The following PAPPA variants were observed in gnomAD, a reference collection of about 807,000 sequenced individuals.
PAPPA encodes the protein pappalysin 1, also known as pappalysin-1.
In PAPPA, 60 loss-of-function variants were observed where a neutral mutation model predicts 164.0. The observed-to-expected ratio is 0.37, with a 90% CI of 0.30 to 0.45. The LOEUF (loss-of-function observed/expected upper bound fraction) is 0.45. PAPPA is among the 20% of genes least tolerant of loss of function. The probability of loss-of-function intolerance (pLI) is 1.00; values close to 1 mark genes in which losing one functional copy is unlikely to be tolerated. For missense variants in PAPPA, 1,782 were observed against 2,087.3 expected (o/e 0.85, Z 2.85); for synonymous variants, 875 against 814.1 (o/e 1.07, Z -1.27).
chr9:116,356,758 G>A (rs992262396), intron 17 of PAPPA, among the ~76,000 whole-genome samples: 1 of 152,134 alleles, frequency 6.6e-6, no homozygotes, highest in Non-Finnish European at 1.5e-5. Context: ...GGTTTCTGTA[G>A]CCTTGTAGTG....
chr9:116,204,258 T>G (rs1434019290), intron 2 of PAPPA, among the ~76,000 whole-genome samples: 1 of 152,200 alleles, frequency 6.6e-6, no homozygotes, highest in Non-Finnish European at 1.5e-5. Flanking sequence ...CCACACAGAT[T>G]AAGCTACAGA....
At chr9:116,178,952 T>G (rs1843868613) in intron 1 of PAPPA, among the ~76,000 whole-genome samples, 1 of 152,360 alleles carries the variant, frequency 6.6e-6, no homozygotes, top group African/African-American at 2.4e-5. Flanking sequence ...GAATTACAGT[T>G]TGCCATCCCA....
intron 19 of PAPPA, among the ~76,000 whole-genome samples, chr9:116,370,431 C>T (rs1846558042): frequency 6.6e-6 from 1 of 152,182 alleles, no homozygotes; most frequent in South Asian, 2.1e-4. Context: ...ATCCCTGCAG[C>T]CTCTATGAAA....
At chr9:116,334,698 A>C (rs969244375) in intron 12 of PAPPA, among the ~76,000 whole-genome samples, 163 bp from the exon 13 acceptor site, 1 of 152,108 alleles carries the variant, frequency 6.6e-6, no homozygotes, top group South Asian at 2.1e-4. Context: ...AAGGCAGACA[A>C]AGAAACTTTC....
chr9:116,231,766 C>CTTTTTTTTTTT (rs71377228), intron 6 of PAPPA, among the ~76,000 whole-genome samples: 46,892 of 57,534 alleles, frequency 0.82, 22,475 homozygotes, highest in African/African-American at 0.85. Flanking sequence ...TTTTCTTTTT[C>CTTTTTTTTTTT]TTTTTTTTTT....
chr9:116,300,294 T>A (rs1390019255), intron 9 of PAPPA, among the ~76,000 whole-genome samples: 1 of 152,198 alleles, frequency 6.6e-6, no homozygotes, highest in Non-Finnish European at 1.5e-5. Flanking sequence ...TTTTGTTTTT[T>A]TCAGACAGGG....
At chr9:116,264,530 G>A (rs1005174123) in intron 7 of PAPPA, among the ~76,000 whole-genome samples, 7 of 152,192 alleles carry the variant, frequency 4.6e-5, no homozygotes, top group African/African-American at 1.4e-4. Context: ...TGTGTTGAGA[G>A]TCTGAAGACA....
At chr9:116,200,360 A>G (rs754211200) in intron 2 of PAPPA, among the ~76,000 whole-genome samples, 4 of 152,182 alleles carry the variant, frequency 2.6e-5, no homozygotes, top group Non-Finnish European at 4.4e-5. Context: ...CATAACACAT[A>G]TAATAACAGG....
chr9:116,353,029 C>A, intron 16 of PAPPA, 113 bp downstream of exon 16: 1 of 776,756 alleles, frequency 1.3e-6, no homozygotes, highest in Non-Finnish European at 2.3e-6. Flanking sequence ...GACTGCCATT[C>A]ATCCCATTCT....
At position 116,347,219 on chromosome 9, in the gene PAPPA, A is replaced by G; in HGVS notation, c.3964+10A>G. On this transcript the variant is annotated intron_variant, in intron 15 of 21. Transcript: ENST00000328252. This position sits in a 1 kb window ranked among gnomAD's most constrained non-coding sequence, Gnocchi z 4.5. ...CCTGCACAATTGAAAGGTATCAAGA[A>G]CGCCTTCCCCAGCTCAGCCTTCCTT... is the stretch of plus-strand genomic sequence containing the variant. 6.3e-7 allele frequency: 1 copy of G among 1,594,860 alleles called. No individual in the cohort carries two copies.
chr9:116,300,295 T>G (rs570957657), intron 9 of PAPPA, among the ~76,000 whole-genome samples: 4 of 152,310 alleles, frequency 2.6e-5, no homozygotes, highest in African/African-American at 9.6e-5. Context: ...TTTGTTTTTT[T>G]CAGACAGGGT....
intron 9 of PAPPA, among the ~76,000 whole-genome samples, chr9:116,289,158 A>ATG (rs1845388347): frequency 3.3e-5 from 1 of 30,592 alleles, no homozygotes; most frequent in African/African-American, 1.1e-4. Context: ...ATATATATAT[A>ATG]TAGCATATAT....
intron 9 of PAPPA, among the ~76,000 whole-genome samples, chr9:116,276,976 G>A (rs953925940): frequency 6.6e-6 from 1 of 152,072 alleles, no homozygotes; most frequent in Admixed American, 6.5e-5. Context: ...GAGCCAAGGC[G>A]AGAAAGGAAA....
intron 13 of PAPPA, among the ~76,000 whole-genome samples, chr9:116,337,155 T>C (rs563495660): frequency 6.6e-6 from 1 of 152,154 alleles, no homozygotes; most frequent in African/African-American, 2.4e-5. Context: ...TTTTCATAAC[T>C]GGACCCATGT....
intron 1 of PAPPA, among the ~76,000 whole-genome samples, chr9:116,183,027 G>C (rs144599308): frequency 3.9e-5 from 6 of 152,168 alleles, no homozygotes; most frequent in Admixed American, 3.3e-4. Context: ...TGTGGCCTTC[G>C]GTTTTGCCAC....
At chr9:116,200,046 G>T (rs1467232453) in intron 2 of PAPPA, among the ~76,000 whole-genome samples, 1 of 152,122 alleles carries the variant, frequency 6.6e-6, no homozygotes. Context: ...CAACATTGGG[G>T]ATCACATTTC....
intron 7 of PAPPA, among the ~76,000 whole-genome samples, chr9:116,236,360 G>A (rs565849086): frequency 8.6e-5 from 13 of 152,020 alleles, no homozygotes; most frequent in African/African-American, 2.7e-4. Context: ...CGAGGCAGGC[G>A]GGTCACCTGA....
chr9:116,220,051 C>A lies in PAPPA; in HGVS notation c.2033C>A (p.Ala678Asp). 1 of 1,614,026 alleles carries A rather than the reference C, an allele frequency of 6.2e-7. No homozygotes were observed. Among genetic ancestry groups the A allele is most frequent in the Non-Finnish European group, 8.5e-7 (1 of 1,179,964 alleles). Residue 678 changes from alanine to aspartate, a missense_variant, in exon 5 of 22, where the codon GCC (alanine) becomes GAC (aspartate). Physicochemically the swap from Ala to Asp is moderately radical, Grantham distance 126 (BLOSUM62 -2). This residue lies in a region of PAPPA where 1,324 missense variants were observed against 1,656.9 expected (regional missense o/e 0.80). Coordinates refer to ENST00000328252, the MANE Select transcript of PAPPA (RefSeq NM_002581.5). ...PSRKPAPVAL[A>D]PQVLGHTTDS... Reference sequence around the variant, plus strand: ...AGGAAACCAGCGCCTGTTGCCCTCGCCCCCCAAGTTCTGGGCCACACAACG... The same window carrying A: ...AGGAAACCAGCGCCTGTTGCCCTCGACCCCCAAGTTCTGGGCCACACAACG...
chr9:116,394,286 G>A (rs10817884), intron 21 of PAPPA, among the ~76,000 whole-genome samples: 94,495 of 152,030 alleles, frequency 0.62, 29,416 homozygotes, highest in South Asian at 0.69. Flanking sequence ...AGCATCTCAA[G>A]GGTGTTAGGC....
Sources: allele counts gnomAD v4.1 joint callset (sites outside exome capture counted in the v4.1 genomes callset), GRCh38; gene constraint gnomAD v4.1.1; regional missense constraint gnomAD v4.1.1; non-coding constraint Gnocchi (gnomAD v3.1); transcripts MANE v1.5; gene names NCBI Gene and HGNC (gene_info 2026-07-23, HGNC 2026-07-21).